Variants in TBC1D5 observed in about 807,000 individuals in gnomAD.
The protein encoded by TBC1D5 is TBC1 domain family member 5.
Under a neutral mutation model 100.3 loss-of-function variants are expected in TBC1D5, and 75 were observed. The ratio of observed to expected loss-of-function variants is 0.75; its 90% CI spans 0.62 to 0.91. The LOEUF (loss-of-function observed/expected upper bound fraction) is 0.91, where lower values mean the gene tolerates loss of function less well. TBC1D5 is among the 40% of genes least tolerant of loss of function. The probability of loss-of-function intolerance (pLI) is 0.00; values close to 1 mark genes in which losing one functional copy is unlikely to be tolerated. For missense variants in TBC1D5, 910 were observed against 942.4 expected (o/e 0.97, Z 0.45); for synonymous variants, 323 against 325.6 (o/e 0.99, Z 0.09).
intron 18 of TBC1D5, among the ~76,000 whole-genome samples, chr3:17,197,454 G>A (rs911124136): frequency 2.0e-5 from 3 of 151,944 alleles, no homozygotes; most frequent in African/African-American, 4.8e-5. Context: ...ATGGCTCATC[G>A]CAGCCCTGAA....
At chr3:17,425,719 C>T (rs2094320137) in intron 4 of TBC1D5, among the ~76,000 whole-genome samples, 1 of 152,264 alleles carries the variant, frequency 6.6e-6, no homozygotes, top group East Asian at 1.9e-4. Flanking sequence ...AAAGAATATA[C>T]ATTTCAGTGT....
At chr3:17,682,503 G>C in intron 1 of TBC1D5, among the ~76,000 whole-genome samples, 1 of 151,384 alleles carries the variant, frequency 6.6e-6, no homozygotes. Flanking sequence ...TGTCACAAGA[G>C]AACTTAGTTT....
intron 13 of TBC1D5, among the ~76,000 whole-genome samples, chr3:17,318,280 T>C (rs1017743077): frequency 1.5e-4 from 22 of 150,852 alleles, no homozygotes; most frequent in Admixed American, 2.0e-4. Context: ...TAATACTAAA[T>C]GACGAGTTAA....
intron 19 of TBC1D5, among the ~76,000 whole-genome samples, chr3:17,183,027 G>C (rs2068621955): frequency 6.6e-6 from 1 of 152,010 alleles, no homozygotes. Context: ...AGAAGCTCCA[G>C]GACTGGAAAT....
chr3:17,302,799 TC>T (rs1298227113), intron 14 of TBC1D5, among the ~76,000 whole-genome samples: 5 of 152,106 alleles, frequency 3.3e-5, no homozygotes, highest in African/African-American at 1.2e-4. Context: ...CAAAAGTAGC[TC>T]CAAAAGAACA....
chr3:17,245,263 T>C (rs770027468), intron 16 of TBC1D5, among the ~76,000 whole-genome samples: 50 of 152,204 alleles, frequency 3.3e-4, no homozygotes, highest in Admixed American at 1.5e-3. Flanking sequence ...TTCTGTAACT[T>C]TGAAGTTCAG....
At chr3:17,681,823 G>A (rs760793877) in intron 1 of TBC1D5, among the ~76,000 whole-genome samples, 6 of 151,596 alleles carry the variant, frequency 4.0e-5, no homozygotes, top group Non-Finnish European at 8.8e-5. Flanking sequence ...AGACCAGCCA[G>A]CAAAGCTTCC....
intron 13 of TBC1D5, among the ~76,000 whole-genome samples, chr3:17,348,680 G>A (rs1312575821): frequency 2.0e-5 from 3 of 152,090 alleles, no homozygotes; most frequent in Admixed American, 1.3e-4. Context: ...CAGGCAAAAC[G>A]CACTAAATTC....
chr3:17,505,266 A>T (rs1014548408), intron 3 of TBC1D5, among the ~76,000 whole-genome samples: 2 of 152,046 alleles, frequency 1.3e-5, no homozygotes, highest in Admixed American at 6.6e-5. Context: ...CCCCTTGGTG[A>T]CAAGTGAGTT....
chr3:17,719,379 A>G (rs2075509004), intron 1 of TBC1D5, among the ~76,000 whole-genome samples: 2 of 152,232 alleles, frequency 1.3e-5, no homozygotes, highest in Non-Finnish European at 2.9e-5. Flanking sequence ...TTTATTTCCC[A>G]TAAGCAATCA....
chr3:17,177,693 T>A (rs975580773), intron 19 of TBC1D5, among the ~76,000 whole-genome samples: 11 of 152,240 alleles, frequency 7.2e-5, no homozygotes, highest in Non-Finnish European at 5.9e-5. Context: ...GGTCCCACCA[T>A]CAGACCTACT....
At chr3:17,411,566 A>C (rs1373330485) in intron 4 of TBC1D5, among the ~76,000 whole-genome samples, 1 of 152,260 alleles carries the variant, frequency 6.6e-6, no homozygotes. Context: ...AGTATTCCAG[A>C]TAAGAGAGGG....
chr3:17,281,015 T>G (rs2080528278), intron 15 of TBC1D5, among the ~76,000 whole-genome samples: 1 of 152,208 alleles, frequency 6.6e-6, no homozygotes, highest in Non-Finnish European at 1.5e-5. Flanking sequence ...CGCAAGGGGT[T>G]GAGTGCAACA....
At chr3:17,158,694 T>TTAAACACCCAGCCAACTGCA (rs2065793817) in exon 22 of TBC1D5, 1 of 152,178 alleles carries the variant, frequency 6.6e-6, no homozygotes, top group South Asian at 2.1e-4. Context: ...TCAGTGACTA[T>TTAAACACCCAGCCAACTGCA]TAAACACCCA....
chr3:17,635,031 A>G (rs1162587476), intron 1 of TBC1D5, among the ~76,000 whole-genome samples: 1 of 152,232 alleles, frequency 6.6e-6, no homozygotes, highest in Admixed American at 6.5e-5. Flanking sequence ...AATGAGTTCA[A>G]TACTATAAAC....
intron 15 of TBC1D5, among the ~76,000 whole-genome samples, chr3:17,270,109 T>A (rs1220437928): frequency 9.2e-5 from 14 of 152,164 alleles, no homozygotes; most frequent in Admixed American, 9.2e-4. Flanking sequence ...TACATTCCCA[T>A]CAACAATGTG....
At chr3:17,706,854 A>C (rs1185896996) in intron 1 of TBC1D5, among the ~76,000 whole-genome samples, 2 of 151,410 alleles carry the variant, frequency 1.3e-5, no homozygotes, top group African/African-American at 2.4e-5. Context: ...AATTTTAAGA[A>C]AGACCTTTTT....
chr3:17,297,464 TA>T, intron 14 of TBC1D5, among the ~76,000 whole-genome samples: 1 of 151,556 alleles, frequency 6.6e-6, no homozygotes, highest in African/African-American at 2.4e-5. Flanking sequence ...TAATCCCAGC[TA>T]CTCGGGAGGC....
chr3:17,511,682 G>C (rs912067327), intron 2 of TBC1D5, among the ~76,000 whole-genome samples: 1 of 151,876 alleles, frequency 6.6e-6, no homozygotes. Flanking sequence ...AGTTAATTTA[G>C]CTTAAATTAT....
Sources: gnomAD v4.1 joint callset for allele counts (sites outside exome capture counted in the v4.1 genomes callset) on GRCh38, gnomAD v4.1.1 for gene constraint, MANE v1.5 for transcripts, NCBI Gene and HGNC (gene_info 2026-07-23, HGNC 2026-07-21) for gene names.